The following PROM1 variants were observed in gnomAD, a reference collection of about 807,000 sequenced individuals.
PROM1 encodes the protein prominin 1, also known as prominin-1.
A neutral mutation model predicts 116.9 loss-of-function variants in PROM1; 105 were observed. The observed-to-expected ratio is 0.90, with a 90% CI of 0.77 to 1.06. The LOEUF is 1.06. Ranked by LOEUF, PROM1 falls within the 50% of genes least tolerant of loss-of-function variation. The pLI, the probability that PROM1 is intolerant of heterozygous loss-of-function variation, is 0.00. For missense variants in PROM1, 1,122 were observed against 1,045.2 expected, an observed-to-expected ratio of 1.07 and a Z score of -1.01; for synonymous variants, 393 against 387.0, an observed-to-expected ratio of 1.02 and a Z score of -0.18.
intron 2 of PROM1, among the ~76,000 whole-genome samples, chr4:16,057,429 A>C (rs982031217): frequency 6.6e-5 from 10 of 152,240 alleles, no homozygotes; most frequent in Admixed American, 1.3e-4. Context: ...ATAATTCGGG[A>C]ACTTAGAGAC....
chr4:16,020,737 C>T (rs1201900448), intron 8 of PROM1, among the ~76,000 whole-genome samples: 1 of 152,188 alleles, frequency 6.6e-6, no homozygotes, highest in African/African-American at 2.4e-5. Flanking sequence ...GTATTAAGCA[C>T]TGTTCATAGC....
Position 15,969,078 on chromosome 4 carries a change from G to A in PROM1, c.*315C>T, listed in dbSNP as rs899739467. 1.3e-5 allele frequency: 2 copies of A among 152,096 alleles called. No individual in the cohort carries two copies. The highest frequency in any genetic ancestry group is 2.9e-5 in the Non-Finnish European group (2 of 68,034). 9.4% of individuals were successfully genotyped at this position (152,096 alleles called of 1,614,324 possible). On this transcript the variant is annotated 3_prime_UTR_variant, in exon 28 of 28. Coordinates refer to ENST00000447510, the MANE Select transcript of PROM1 (RefSeq NM_006017.3). ...GAGTTTTGATAGAAATGCATCCAAT[G>A]GGAACAAACACCCCATATGTTGTAG...
rs202041422 is a variant in PROM1 at position 16,018,362 on chromosome 4, C to T, written c.963G>A (p.Leu321=). Residue 321 remains leucine (L), a synonymous_variant, in exon 9 of 28, where the codon TTG becomes TTA. Coordinates refer to ENST00000447510, the MANE Select transcript of PROM1 (RefSeq NM_006017.3). The part of the protein sequence containing the change: ...PSSETCNSIR[L]SLSQLNSNPE... ...GGTTGCTATTCAGCTGGCTTAGAGA[C>T]AATCTGATGCTGTTGCAGGTTTCAC... 1.2e-6 allele frequency: 2 copies of T among 1,613,638 alleles called. No homozygotes were observed. The highest frequency in any genetic ancestry group is 1.7e-6 in the Non-Finnish European group (2 of 1,179,892).
chr4:16,026,541 T>A (rs1034223070), intron 5 of PROM1, among the ~76,000 whole-genome samples: 1 of 152,178 alleles, frequency 6.6e-6, no homozygotes, highest in African/African-American at 2.4e-5. Context: ...CATTGCCTCT[T>A]CAGCAAAAGC....
At chr4:16,082,955 T>C (rs912632072) in intron 1 of PROM1, among the ~76,000 whole-genome samples, 7 of 151,846 alleles carry the variant, frequency 4.6e-5, no homozygotes, top group African/African-American at 1.5e-4. Flanking sequence ...CAGTTCTCCA[T>C]CTAGCGATAG....
At chr4:15,980,278 T>C in intron 24 of PROM1, 144 bp downstream of exon 24, 1 of 655,274 alleles carries the variant, frequency 1.5e-6, no homozygotes, top group Non-Finnish European at 2.6e-6. Flanking sequence ...AAAATTCACC[T>C]GAACAGAAGT....
At chr4:15,986,075 A>G in intron 20 of PROM1, 38 bp from the exon 21 acceptor site, 4 of 1,429,542 alleles carry the variant, frequency 2.8e-6, no homozygotes, top group Non-Finnish European at 3.8e-6. Flanking sequence ...GTATCAAGTC[A>G]TAGAAAGTTT....
At chr4:16,041,785 AAT>A (rs200674323) in intron 2 of PROM1, among the ~76,000 whole-genome samples, 22 of 37,616 alleles carry the variant, frequency 5.8e-4, no homozygotes, top group Admixed American at 1.4e-3. Context: ...TAAATAAATA[AAT>A]ATATATATAT....
In PROM1 at chr4:16,033,392, C is replaced by T; in HGVS notation, c.421G>A (p.Gly141Arg). The T allele has an allele frequency of 6.2e-7, 1 of 1,613,850 alleles. No individual in the cohort carries two copies. The highest frequency in any genetic ancestry group is 8.5e-7 in the Non-Finnish European group (1 of 1,179,838). ...TCCTTCTGTCGCTGGTGCATTTCTC[C>T]ACCACATTTGTTACAGCAACGACAC... ...CMCRCCNKCG[G>R]EMHQRQKENG... Residue 141 changes from glycine (G) to arginine (R), a missense_variant, in exon 5 of 28, where the codon GGA becomes AGA. Gly to Arg is a moderately radical substitution (Grantham distance 125). Coordinates refer to ENST00000447510, the MANE Select transcript of PROM1 (RefSeq NM_006017.3).
chr4:16,074,571 G>T (rs1578328683), intron 2 of PROM1, among the ~76,000 whole-genome samples: 2 of 152,244 alleles, frequency 1.3e-5, no homozygotes, highest in South Asian at 2.1e-4. Context: ...ATTCGTTCAG[G>T]ATTCTCTTCA....
intron 16 of PROM1, among the ~76,000 whole-genome samples, chr4:15,993,748 T>C (rs1721631577): frequency 6.6e-6 from 1 of 152,190 alleles, no homozygotes; most frequent in African/African-American, 2.4e-5. Flanking sequence ...CTAGAGGCTC[T>C]TGCATAATCC....
chr4:16,068,752 G>A (rs1295113522), intron 2 of PROM1, among the ~76,000 whole-genome samples: 3 of 152,038 alleles, frequency 2.0e-5, no homozygotes, highest in Admixed American at 6.6e-5. Flanking sequence ...GTAATGGAGG[G>A]AGCTCTTATA....
At chr4:16,039,963 G>A (rs1448416067) in intron 2 of PROM1, among the ~76,000 whole-genome samples, 1 of 152,076 alleles carries the variant, frequency 6.6e-6, no homozygotes, top group Non-Finnish European at 1.5e-5. Flanking sequence ...GGGTGACATA[G>A]TGATTCGTGA....
intron 13 of PROM1, among the ~76,000 whole-genome samples, chr4:16,001,507 G>C (rs1723832730): frequency 6.6e-6 from 1 of 152,110 alleles, no homozygotes; most frequent in African/African-American, 2.4e-5. Flanking sequence ...TGGAAGGAGG[G>C]GCCAGCAAAC....
intron 2 of PROM1, among the ~76,000 whole-genome samples, chr4:16,047,178 T>C (rs541780769): frequency 6.6e-6 from 1 of 152,116 alleles, no homozygotes; most frequent in Non-Finnish European, 1.5e-5. Flanking sequence ...ACTGATTGGA[T>C]GAGGCCCACC....
intron 19 of PROM1, 27 bp from the exon 20 acceptor site, chr4:15,987,743 A>C: frequency 6.3e-7 from 1 of 1,586,784 alleles, no homozygotes; most frequent in Non-Finnish European, 8.6e-7. Flanking sequence ...AATATTTCCA[A>C]AATTATTACA....
chr4:16,028,488 C>CA (rs916861307), intron 5 of PROM1, among the ~76,000 whole-genome samples: 4 of 151,912 alleles, frequency 2.6e-5, no homozygotes, highest in Non-Finnish European at 5.9e-5. Context: ...TAGCAACTAA[C>CA]AAAAAAAATT....
In PROM1 at chr4:15,994,060, T is replaced by A. The variant is rs1721720134; in HGVS notation, c.1694A>T (p.Lys565Ile). ...AAGAGTGCCGTAAGTGCCTCTATTT[T>A]TTTTGCAGTCACTGTGGGAATGAAC... ...TFEQVYSDCKKNRGTYGTLHL... is the reference protein window; with the variant it reads ...TFEQVYSDCKINRGTYGTLHL... Residue 565 changes from lysine (K) to isoleucine (I), a missense_variant, in exon 16 of 28, where the codon AAA becomes ATA. Physicochemically the swap from Lys to Ile is moderately radical, Grantham distance 102. Coordinates refer to ENST00000447510, the MANE Select transcript of PROM1 (RefSeq NM_006017.3). The A allele has an allele frequency of 6.2e-7, 1 of 1,614,012 alleles. No homozygotes were observed. Among genetic ancestry groups the A allele is most frequent in the South Asian group, 1.1e-5 (1 of 91,072 alleles).
chr4:16,041,644 T>C (rs917897734), intron 2 of PROM1, among the ~76,000 whole-genome samples: 2 of 151,750 alleles, frequency 1.3e-5, no homozygotes, highest in Non-Finnish European at 2.9e-5. Flanking sequence ...CATGCACCTG[T>C]AGTGGGAGGC....
Sources: gnomAD v4.1 joint callset for allele counts (sites outside exome capture counted in the v4.1 genomes callset) on GRCh38, gnomAD v4.1.1 for gene constraint, MANE v1.5 for transcripts, NCBI Gene and HGNC (gene_info 2026-07-23, HGNC 2026-07-21) for gene names.